SPAG6: variants seen among roughly 807,000 people sequenced by gnomAD.
The protein encoded by SPAG6 is sperm-associated antigen 6.
In SPAG6, 49 loss-of-function variants were observed where a neutral mutation model predicts 58.5. The ratio of observed to expected loss-of-function variants is 0.84; its 90% CI spans 0.67 to 1.06. The LOEUF is 1.06. SPAG6 is among the 50% of genes least tolerant of loss of function. SPAG6 has a pLI of 0.00. For synonymous variants in SPAG6, 233 were observed against 225.6 expected (o/e 1.03, Z -0.29); for missense variants, 560 against 611.3 (o/e 0.92, Z 0.89).
intron 4 of SPAG6, among the ~76,000 whole-genome samples, chr10:22,371,058 G>C (rs891317817): frequency 1.3e-5 from 2 of 152,064 alleles, no homozygotes; most frequent in Admixed American, 1.3e-4. Flanking sequence ...CAAATTCTTG[G>C]TATAATCTGG....
intron 9 of SPAG6, among the ~76,000 whole-genome samples, chr10:22,405,068 C>A (rs984095932): frequency 3.3e-5 from 5 of 152,196 alleles, no homozygotes; most frequent in Admixed American, 6.5e-5. Flanking sequence ...GATATACAAT[C>A]ATGTCGTCTG....
intron 2 of SPAG6, among the ~76,000 whole-genome samples, chr10:22,362,162 A>T (rs1329133141): frequency 2.1e-5 from 3 of 145,688 alleles, no homozygotes; most frequent in South Asian, 4.2e-4. Context: ...TATTTATTTT[A>T]TATAAATATA....
chr10:22,411,014 G>A lies in SPAG6; in HGVS notation c.1315-17G>A, dbSNP rs770283646. On this transcript the variant is annotated splice_polypyrimidine_tract_variant and intron_variant, in intron 9 of 10. Coordinates refer to ENST00000376624, the MANE Select transcript of SPAG6 (RefSeq NM_012443.4). ...TGGAAAAGAAAAGCTGACATTTTATGTGCTTCACTTTGCAAGGTGCTGCCG... is the reference window on the plus strand; with the variant it reads ...TGGAAAAGAAAAGCTGACATTTTATATGCTTCACTTTGCAAGGTGCTGCCG... The A allele has an allele frequency of 8.1e-6, 13 of 1,604,142 alleles. No homozygotes were observed. The highest frequency in any genetic ancestry group is 2.3e-5 in the South Asian group (2 of 88,750).
chr10:22,413,402 G>A (rs1480509496), intron 10 of SPAG6, among the ~76,000 whole-genome samples: 2 of 151,864 alleles, frequency 1.3e-5, no homozygotes, highest in South Asian at 2.1e-4. Context: ...GCATGGTGGC[G>A]GGCGCCTGTA....
intron 9 of SPAG6, among the ~76,000 whole-genome samples, chr10:22,410,492 A>T (rs1354007668): frequency 6.6e-6 from 1 of 152,182 alleles, no homozygotes; most frequent in African/African-American, 2.4e-5. Flanking sequence ...AGGAGGTGAC[A>T]CTTGAGCTAA....
intron 8 of SPAG6, among the ~76,000 whole-genome samples, chr10:22,395,550 C>T (rs1312222610): frequency 6.6e-6 from 1 of 152,096 alleles, no homozygotes; most frequent in Non-Finnish European, 1.5e-5. Context: ...TCTATTCAGA[C>T]CCTTTGCTCA....
chr10:22,374,266 A>T lies in SPAG6; in HGVS notation c.472+5588A>T, dbSNP rs147620129. Among the ~76,000 whole-genome samples, 433 of 152,282 alleles carry T rather than the reference A, an allele frequency of 2.8e-3. 2 individuals carry two copies. Among genetic ancestry groups the T allele is most frequent in the African/African-American group, 0.01 (416 of 41,552 alleles). On this transcript the variant is annotated intron_variant, in intron 4 of 10. Transcript: ENST00000376624. ...TCATCAAAATGTACTTGAGGCATTT[A>T]TGTCTGTGTTCCCATATCTTTCCCA...
chr10:22,348,898 T>C (rs373694066), intron 2 of SPAG6, among the ~76,000 whole-genome samples: 3 of 152,210 alleles, frequency 2.0e-5, no homozygotes, highest in East Asian at 1.9e-4. Context: ...AGTGGTGCTA[T>C]CTCAGCTCAA....
intron 2 of SPAG6, among the ~76,000 whole-genome samples, chr10:22,352,886 A>T (rs540090178): frequency 6.6e-6 from 1 of 152,216 alleles, no homozygotes; most frequent in Non-Finnish European, 1.5e-5. Context: ...AGGAAAAAAA[A>T]GTTCCTGCTT....
intron 2 of SPAG6, among the ~76,000 whole-genome samples, chr10:22,356,192 C>G (rs1564361166): frequency 6.6e-6 from 1 of 152,110 alleles, no homozygotes; most frequent in Non-Finnish European, 1.5e-5. Flanking sequence ...AAGCTCTGGC[C>G]TAGAGAGGTT....
At chr10:22,416,545 C>A in intron 10 of SPAG6, 74 bp from the exon 11 acceptor site, 1 of 849,360 alleles carries the variant, frequency 1.2e-6, no homozygotes, top group Middle Eastern at 3.0e-4. Context: ...TCAGATAAAT[C>A]CCCTATATTG....
At chr10:22,377,439 T>C (rs1038489818) in intron 4 of SPAG6, among the ~76,000 whole-genome samples, 1 of 152,216 alleles carries the variant, frequency 6.6e-6, no homozygotes, top group East Asian at 1.9e-4. Context: ...TGACAATAGA[T>C]AACTAATATG....
At chr10:22,353,049 C>A (rs780772326) in intron 2 of SPAG6, among the ~76,000 whole-genome samples, 1 of 152,048 alleles carries the variant, frequency 6.6e-6, no homozygotes, top group South Asian at 2.1e-4. Context: ...GGGACTGTAC[C>A]TTTGTATACA....
intron 10 of SPAG6, among the ~76,000 whole-genome samples, chr10:22,416,253 G>GA (rs908219452): frequency 4.2e-4 from 62 of 149,370 alleles, no homozygotes; most frequent in African/African-American, 1.1e-3. Flanking sequence ...TCTAACTTAT[G>GA]AAAAAAAAAA....
intron 3 of SPAG6, 112 bp downstream of exon 3, chr10:22,365,131 C>A (rs149683481): frequency 3.0e-6 from 2 of 670,440 alleles, no homozygotes; most frequent in African/African-American, 1.8e-5. Flanking sequence ...GGGGTTAACA[C>A]AATCTTCAAT....
At chr10:22,355,565 C>A (rs1295107470) in intron 2 of SPAG6, among the ~76,000 whole-genome samples, 1 of 152,114 alleles carries the variant, frequency 6.6e-6, no homozygotes, top group Non-Finnish European at 1.5e-5. Flanking sequence ...TTTACTATTA[C>A]AATTGAATTC....
chr10:22,362,061 A>G (rs1002953448), intron 2 of SPAG6, among the ~76,000 whole-genome samples: 1 of 145,982 alleles, frequency 6.9e-6, no homozygotes, highest in East Asian at 1.9e-4. Context: ...TATTTATTCT[A>G]TATAAGTATA....
chr10:22,395,064 G>A (rs997568115), intron 8 of SPAG6, among the ~76,000 whole-genome samples: 4 of 151,918 alleles, frequency 2.6e-5, no homozygotes, highest in Admixed American at 6.6e-5. Flanking sequence ...TCCATGTTGT[G>A]GCATATATCA....
intron 2 of SPAG6, among the ~76,000 whole-genome samples, chr10:22,350,486 CA>C (rs1475485912): frequency 6.6e-6 from 1 of 151,974 alleles, no homozygotes; most frequent in Non-Finnish European, 1.5e-5. Flanking sequence ...AGAAGGCTTA[CA>C]AATAGCAAAT....
Sources: gnomAD v4.1 joint callset for allele counts (sites outside exome capture counted in the v4.1 genomes callset) on GRCh38, gnomAD v4.1.1 for gene constraint, MANE v1.5 for transcripts, NCBI Gene and HGNC (gene_info 2026-07-23, HGNC 2026-07-21) for gene names.